The following C10orf143 variants were observed in gnomAD, a reference collection of about 807,000 sequenced individuals.
C10orf143 encodes chromosome 10 open reading frame 143, also known as uncharacterized protein C10orf143.
At position 130,065,041 on chromosome 10, in the gene C10orf143, C is replaced by T. The variant is rs1860908454; in HGVS notation, c.298-658G>A. 6.6e-6 allele frequency: 1 copy of T among 152,338 alleles called. No homozygotes were observed. The highest frequency in any genetic ancestry group is 2.1e-4 in the South Asian group (1 of 4,834). The allele number at this position is 152,338 out of a possible 1,614,324, so 9.4% of individuals were successfully genotyped here. A position where few individuals can be genotyped will look rare whatever the true frequency, so the allele number is the denominator to read the frequency against. On this transcript the variant is annotated intron_variant, in intron 3 of 3. Coordinates refer to ENST00000637128, the MANE Select transcript of C10orf143 (RefSeq NM_001355042.2). This position sits in a 1 kb window ranked among gnomAD's most constrained non-coding sequence, Gnocchi z 4.2. ...CCACAGGCAGAGACAGGCACAGCCT[C>T]CCTGTCCTGAAAGGACTCCACCATC...
At chr10:130,094,743 A>G (rs575729199) in intron 1 of C10orf143, among the ~76,000 whole-genome samples, 3 of 152,378 alleles carry the variant, frequency 2.0e-5, no homozygotes, top group East Asian at 3.9e-4. Flanking sequence ...AATAAGAGCT[A>G]TTTATGACAA....
At chr10:130,044,789 A>T (rs547834483) in intron 3 of C10orf143, among the ~76,000 whole-genome samples, 11 of 152,184 alleles carry the variant, frequency 7.2e-5, no homozygotes, top group Admixed American at 7.2e-4. Flanking sequence ...TCCTCTGGGG[A>T]TGTACCCTTG....
chr10:130,060,431 T>C (rs1860841275), downstream of C10orf143, among the ~76,000 whole-genome samples: 1 of 152,220 alleles, frequency 6.6e-6, no homozygotes. Context: ...TTCCATTTAA[T>C]GGTATACTGT....
At chr10:130,064,678 T>C (rs1209564197) in intron 3 of C10orf143, among the ~76,000 whole-genome samples, 1 of 152,232 alleles carries the variant, frequency 6.6e-6, no homozygotes, top group East Asian at 1.9e-4. Flanking sequence ...ATACTATTCA[T>C]ATATTCATAA....
At chr10:130,100,128 G>A (rs970063292) in intron 1 of C10orf143, among the ~76,000 whole-genome samples, 4 of 151,880 alleles carry the variant, frequency 2.6e-5, no homozygotes, top group African/African-American at 9.7e-5. Context: ...GAGCCACCGC[G>A]CCCGGGCTTC....
chr10:130,107,159 G>C (rs1861664290), intron 1 of C10orf143: 1 of 1,591,770 alleles, frequency 6.3e-7, no homozygotes, highest in Non-Finnish European at 8.6e-7. Flanking sequence ...TTTTGAAAGT[G>C]AGAATCAGAA....
chr10:130,076,312 T>C (rs1372594431), intron 3 of C10orf143, among the ~76,000 whole-genome samples: 1 of 152,214 alleles, frequency 6.6e-6, no homozygotes. Flanking sequence ...TCCTCCTCCT[T>C]CTCCCCCACA....
At chr10:130,098,231 G>A (rs995793396) in intron 1 of C10orf143, among the ~76,000 whole-genome samples, 7 of 152,266 alleles carry the variant, frequency 4.6e-5, no homozygotes, top group African/African-American at 1.7e-4. Context: ...GCTGAGACAT[G>A]AGAATCACTT....
rs559127294 is a variant in C10orf143 at position 130,054,923 on chromosome 10, T to A, written c.298-18953A>T. On this transcript the variant is annotated intron_variant and NMD_transcript_variant, in intron 3 of 5. Coordinates refer to the C10orf143 transcript ENST00000643056. ...AATCCAACCATATATGGTCAACTGCTCTTCAATAAGGGTGCCAAGAATATA... is the reference window on the plus strand; with the variant it reads ...AATCCAACCATATATGGTCAACTGCACTTCAATAAGGGTGCCAAGAATATA... 3.9e-5 allele frequency among the ~76,000 whole-genome samples: 6 copies of A among 152,260 alleles called. No individual in the cohort carries two copies. In the South Asian group the frequency reaches 1.2e-3, roughly 32 times the overall value.
intron 1 of C10orf143, chr10:130,106,993 T>C: frequency 1.8e-6 from 2 of 1,085,702 alleles, no homozygotes; most frequent in Non-Finnish European, 2.9e-6. Flanking sequence ...AACTGATTCA[T>C]GCTACTAAGT....
chr10:130,085,670 A>T (rs955647502), intron 1 of C10orf143, among the ~76,000 whole-genome samples: 3 of 152,200 alleles, frequency 2.0e-5, no homozygotes, highest in African/African-American at 7.2e-5. Context: ...ATGGCATGCT[A>T]ACTATACTAA....
intron 3 of C10orf143, among the ~76,000 whole-genome samples, chr10:130,074,456 G>A (rs1402980491): frequency 1.3e-5 from 2 of 152,202 alleles, no homozygotes; most frequent in African/African-American, 4.8e-5. Flanking sequence ...GCTATCAGCT[G>A]TGGCCGAGAC....
chr10:130,057,016 T>G (rs193005547), intron 3 of C10orf143, among the ~76,000 whole-genome samples: 9 of 151,784 alleles, frequency 5.9e-5, no homozygotes, highest in Admixed American at 3.3e-4. Context: ...GTCTCACTAC[T>G]CGCTGAAAGT....
intron 3 of C10orf143, among the ~76,000 whole-genome samples, chr10:130,069,160 C>G (rs1860989733): frequency 6.6e-6 from 1 of 152,142 alleles, no homozygotes; most frequent in African/African-American, 2.4e-5. Flanking sequence ...AAGCGACATA[C>G]TATGTGCAAG....
chr10:130,035,665 T>C (rs1206021226), intron 4 of C10orf143, among the ~76,000 whole-genome samples: 2 of 152,170 alleles, frequency 1.3e-5, no homozygotes, highest in Non-Finnish European at 2.9e-5. Flanking sequence ...CTGCCAGGAT[T>C]CCCATTTTGC....
intron 1 of C10orf143, among the ~76,000 whole-genome samples, chr10:130,101,651 G>A (rs563073273): frequency 6.6e-6 from 1 of 151,596 alleles, no homozygotes; most frequent in Admixed American, 6.6e-5. Flanking sequence ...CGCATCATGA[G>A]GTCAGGAGAT....
intron 3 of C10orf143, among the ~76,000 whole-genome samples, chr10:130,077,469 C>A (rs1232875446): frequency 6.6e-6 from 1 of 152,188 alleles, no homozygotes; most frequent in Non-Finnish European, 1.5e-5. Flanking sequence ...GTAAGTTTCC[C>A]ATTAGGAATT....
intron 1 of C10orf143, among the ~76,000 whole-genome samples, chr10:130,101,851 AAAAAAAAAAAAACC>A (rs1306522459): frequency 3.5e-4 from 9 of 25,358 alleles, no homozygotes; most frequent in South Asian, 1.5e-3. Context: ...CTCTGTCTCA[AAAAAAAAAAAAACC>A]AAAAAAAAAA....
chr10:130,107,259 G>C, intron 1 of C10orf143: 1 of 1,211,874 alleles, frequency 8.3e-7, no homozygotes, highest in Non-Finnish European at 1.2e-6. Context: ...GAAAATAGCC[G>C]GTTAGAGAAA....
Sources: allele counts gnomAD v4.1 joint callset (sites outside exome capture counted in the v4.1 genomes callset), GRCh38; gene constraint gnomAD v4.1.1; non-coding constraint Gnocchi (gnomAD v3.1); transcripts MANE v1.5; gene names NCBI Gene and HGNC (gene_info 2026-07-23, HGNC 2026-07-21).